Variants in STH observed in about 807,000 individuals in gnomAD.
STH encodes microtubule-associated protein tau (MAPT) intronic transcript.
For synonymous variants in STH, 36 were observed against 59.1 expected, an observed-to-expected ratio of 0.61 and a Z score of 1.79; for missense variants, 131 against 151.5, an observed-to-expected ratio of 0.86 and a Z score of 0.71.
Position 45,999,673 on chromosome 17 carries a change from G to A in STH, c.*7G>A. On this transcript the variant is annotated 3_prime_UTR_variant, in exon 1 of 1. Coordinates refer to ENST00000537309, the MANE Select transcript of STH (RefSeq NM_001007532.3). Reference sequence around the variant, plus strand: ...GACCTCATGCCAAGTGTAGAAAGGGGCAGATGGGAGCCCCAGGTTATGACG... The same window carrying A: ...GACCTCATGCCAAGTGTAGAAAGGGACAGATGGGAGCCCCAGGTTATGACG... 6 of 1,582,700 alleles carry A rather than the reference G, an allele frequency of 3.8e-6. No individual in the cohort carries two copies. Among genetic ancestry groups the A allele is most frequent in the Non-Finnish European group, 5.1e-6 (6 of 1,165,052 alleles).
rs955662288 is a variant in STH at position 45,999,542 on chromosome 17, C to T, written c.263C>T (p.Ala88Val). The T allele has an allele frequency of 3.7e-6, 6 of 1,613,378 alleles. No individual in the cohort carries two copies. The highest frequency in any genetic ancestry group is 5.1e-6 in the Non-Finnish European group (6 of 1,179,682). ...YSSEESSRNG[A>V]EQGRQLSIEG... ...TCTGAAGAGAGCAGCAGGAATGGGG[C>T]TGAGCAGGGAAGACAACTTTCCATT... The change falls in exon 1 of 1, where the codon GCT (alanine) becomes GTT (valine). Residue 88 changes from alanine (A) to valine (V), a missense_variant. Ala to Val is a moderately conservative substitution (Grantham distance 64). Coordinates refer to ENST00000537309, the MANE Select transcript of STH (RefSeq NM_001007532.3).
chr17:45,999,429 A>G lies in STH; in HGVS notation c.150A>G (p.Leu50=), dbSNP rs545673483. The change falls in exon 1 of 1, where the codon TTA becomes TTG. Residue 50 remains leucine, a synonymous_variant. Coordinates refer to ENST00000537309, the MANE Select transcript of STH (RefSeq NM_001007532.3). ...IQVARDRTLS[L]AWEVASLLTL... ...TTGCCAGAGACAGAACCCTCAGCTTAGCATGGGAAGTAGCTTCCCTGTTGA... is the reference window on the plus strand; with the variant it reads ...TTGCCAGAGACAGAACCCTCAGCTTGGCATGGGAAGTAGCTTCCCTGTTGA... The G allele has an allele frequency of 3.7e-5, 59 of 1,614,084 alleles. No homozygotes were observed. In the South Asian group the frequency reaches 6.1e-4, roughly 17 times the overall value.
At chr17:45,999,631 A>AG in the STH span, 5 of 1,610,752 alleles carry the variant, frequency 3.1e-6, no homozygotes, top group South Asian at 5.5e-5. Flanking sequence ...TCTGCCCATG[A>AG]GGGGTGAGAG....
Position 45,999,525 on chromosome 17 carries a change from G to C in STH, c.246G>C (p.Glu82Asp). The C allele has an allele frequency of 6.2e-7, 1 of 1,613,884 alleles. No individual in the cohort carries two copies. The highest frequency in any genetic ancestry group is 1.1e-5 in the South Asian group (1 of 91,062). ...TIWPSSYSSE[E>D]SSRNGAEQGR... ...GGCCCAGTTCTTACAGCTCTGAAGA[G>C]AGCAGCAGGAATGGGGCTGAGCAGG... is the stretch of plus-strand genomic sequence containing the variant. Residue 82 changes from glutamate (E) to aspartate (D), a missense_variant, in exon 1 of 1, where the codon GAG (glutamate) becomes GAC (aspartate). Transcript: ENST00000537309.
In STH at chr17:45,999,413, A is replaced by T. The variant is rs2074798869; in HGVS notation, c.134A>T (p.Asp45Val). The change falls in exon 1 of 1, where the codon GAC becomes GTC. Residue 45 changes from aspartate (D) to valine (V), a missense_variant. Asp to Val is a radical substitution (Grantham distance 152). Transcript: ENST00000537309. ...GAGTGGATGATTCAGGTTGCCAGAG[A>T]CAGAACCCTCAGCTTAGCATGGGAA... The part of the protein sequence containing the change: ...LCEWMIQVAR[D>V]RTLSLAWEVA... 1.2e-6 allele frequency: 2 copies of T among 1,613,910 alleles called. No homozygotes were observed. Among genetic ancestry groups the T allele is most frequent in the Non-Finnish European group, 1.7e-6 (2 of 1,179,902 alleles).
Position 45,999,650 on chromosome 17 carries a change from C to A in STH, c.371C>A (p.Thr124Asn). The change falls in exon 1 of 1, where the codon ACC becomes AAC. Residue 124 changes from threonine to asparagine, a missense_variant. By Grantham distance (65) the Thr-to-Asn change is moderately conservative. Coordinates refer to ENST00000537309, the MANE Select transcript of STH (RefSeq NM_001007532.3). ...PLPMRGESQA[T>N]SCQV Reference sequence around the variant, plus strand: ...CCCATGAGGGGTGAGAGTCAGGCGACCTCATGCCAAGTGTAGAAAGGGGCA... The same window carrying A: ...CCCATGAGGGGTGAGAGTCAGGCGAACTCATGCCAAGTGTAGAAAGGGGCA... The A allele has an allele frequency of 6.2e-7, 1 of 1,605,110 alleles. No individual in the cohort carries two copies. The highest frequency in any genetic ancestry group is 1.1e-5 in the South Asian group (1 of 89,622).
Position 45,999,266 on chromosome 17 carries a change from C to T in STH, c.-14C>T. 6.2e-7 allele frequency: 1 copy of T among 1,610,604 alleles called. No homozygotes were observed. Among genetic ancestry groups the T allele is most frequent in the South Asian group, 1.1e-5 (1 of 90,678 alleles). On this transcript the variant is annotated 5_prime_UTR_variant, in exon 1 of 1. Transcript: ENST00000537309. Reference sequence around the variant, plus strand: ...CCACACTGAGCATGTGTCTGCTGCTCCCTAGTCTGGGCCATGAGTGAGGGT... The same window carrying T: ...CCACACTGAGCATGTGTCTGCTGCTTCCTAGTCTGGGCCATGAGTGAGGGT...
Position 45,999,533 on chromosome 17 carries a change from G to A in STH, c.254G>A (p.Arg85Lys), listed in dbSNP as rs1449251264. Reference sequence around the variant, plus strand: ...TCTTACAGCTCTGAAGAGAGCAGCAGGAATGGGGCTGAGCAGGGAAGACAA... The same window carrying A: ...TCTTACAGCTCTGAAGAGAGCAGCAAGAATGGGGCTGAGCAGGGAAGACAA... Reference protein sequence around the residue: ...PSSYSSEESSRNGAEQGRQLS... With the variant: ...PSSYSSEESSKNGAEQGRQLS... Residue 85 changes from arginine (R) to lysine (K), a missense_variant, in exon 1 of 1, where the codon AGG becomes AAG. Coordinates refer to ENST00000537309, the MANE Select transcript of STH (RefSeq NM_001007532.3). The A allele has an allele frequency of 1.9e-6, 3 of 1,613,686 alleles. No homozygotes were observed. The highest frequency in any genetic ancestry group is 2.5e-6 in the Non-Finnish European group (3 of 1,179,824).
At position 45,999,491 on chromosome 17, in the gene STH, G is replaced by A. The variant is rs769947333; in HGVS notation, c.212G>A (p.Gly71Asp). Reference sequence around the variant, plus strand: ...TCTGAGGTTGGCTTGGAAGGTGTGGGCACCATTTGGCCCAGTTCTTACAGC... The same window carrying A: ...TCTGAGGTTGGCTTGGAAGGTGTGGACACCATTTGGCCCAGTTCTTACAGC... ...SSSEVGLEGVGTIWPSSYSSE... is the reference protein window; with the variant it reads ...SSSEVGLEGVDTIWPSSYSSE... Residue 71 changes from glycine to aspartate, a missense_variant, in exon 1 of 1, where the codon GGC (glycine) becomes GAC (aspartate). By Grantham distance (94) the Gly-to-Asp change is moderately conservative (BLOSUM62 -1). Coordinates refer to ENST00000537309, the MANE Select transcript of STH (RefSeq NM_001007532.3). 5 of 1,613,902 alleles carry A rather than the reference G, an allele frequency of 3.1e-6. No homozygotes were observed. In the South Asian group the frequency reaches 5.5e-5, roughly 18 times the overall value.
rs140271686 is a variant in STH at position 45,999,361 on chromosome 17, G to A, written c.82G>A (p.Gly28Arg). The change falls in exon 1 of 1, where the codon GGG becomes AGG. Residue 28 changes from glycine to arginine, a missense_variant. Physicochemically the swap from Gly to Arg is moderately radical, Grantham distance 125 (BLOSUM62 -2). Coordinates refer to ENST00000537309, the MANE Select transcript of STH (RefSeq NM_001007532.3). ...LCRWPALIEC[G>R]VNLTQPLCEW... ...CAGGTGGCCGGCCCTCATTGAATGCGGGGTTAATTTAACTCAGCCTCTGTG... is the reference window on the plus strand; with the variant it reads ...CAGGTGGCCGGCCCTCATTGAATGCAGGGTTAATTTAACTCAGCCTCTGTG... 2.7e-4 allele frequency: 442 copies of A among 1,614,010 alleles called. 8 individuals are homozygous for A. In the South Asian group the frequency reaches 2.9e-3, roughly 11 times the overall value.
chr17:45,999,256 G>T lies in STH; in HGVS notation c.-24G>T. ...TAAACTCTGACCACACTGAGCATGT[G>T]TCTGCTGCTCCCTAGTCTGGGCCAT... On this transcript the variant is annotated 5_prime_UTR_variant, in exon 1 of 1. Transcript: ENST00000537309. The T allele has an allele frequency of 6.2e-7, 1 of 1,606,710 alleles. No homozygotes were observed. Among genetic ancestry groups the T allele is most frequent in the Non-Finnish European group, 8.5e-7 (1 of 1,175,984 alleles).
Position 45,999,541 on chromosome 17 carries a change from G to T in STH, c.262G>T (p.Ala88Ser), listed in dbSNP as rs753456930. 6.2e-7 allele frequency: 1 copy of T among 1,613,504 alleles called. No individual in the cohort carries two copies. The highest frequency in any genetic ancestry group is 8.5e-7 in the Non-Finnish European group (1 of 1,179,658). Residue 88 changes from alanine (A) to serine (S), a missense_variant, in exon 1 of 1, where the codon GCT becomes TCT. Physicochemically the swap from Ala to Ser is moderately conservative, Grantham distance 99. Transcript: ENST00000537309. ...CTCTGAAGAGAGCAGCAGGAATGGG[G>T]CTGAGCAGGGAAGACAACTTTCCAT... The part of the protein sequence containing the change: ...YSSEESSRNG[A>S]EQGRQLSIEG...
Position 45,999,520 on chromosome 17 carries a change from G to A in STH, c.241G>A (p.Glu81Lys). Residue 81 changes from glutamate to lysine, a missense_variant, in exon 1 of 1, where the codon GAA becomes AAA. By Grantham distance (56) the Glu-to-Lys change is moderately conservative (BLOSUM62 1). Transcript: ENST00000537309. ...CATTTGGCCCAGTTCTTACAGCTCT[G>A]AAGAGAGCAGCAGGAATGGGGCTGA... ...GTIWPSSYSS[E>K]ESSRNGAEQG... The A allele has an allele frequency of 6.2e-7, 1 of 1,613,914 alleles. No individual in the cohort carries two copies. Among genetic ancestry groups the A allele is most frequent in the Admixed American group, 1.7e-5 (1 of 60,006 alleles).
In STH at chr17:45,999,538, G is replaced by A. The variant is rs765806609; in HGVS notation, c.259G>A (p.Gly87Arg). 6 of 1,613,548 alleles carry A rather than the reference G, an allele frequency of 3.7e-6. No homozygotes were observed. The highest frequency in any genetic ancestry group is 5.1e-6 in the Non-Finnish European group (6 of 1,179,752). ...CAGCTCTGAAGAGAGCAGCAGGAAT[G>A]GGGCTGAGCAGGGAAGACAACTTTC... ...SYSSEESSRNGAEQGRQLSIE... is the reference protein window; with the variant it reads ...SYSSEESSRNRAEQGRQLSIE... Residue 87 changes from glycine to arginine, a missense_variant, in exon 1 of 1, where the codon GGG becomes AGG. Coordinates refer to ENST00000537309, the MANE Select transcript of STH (RefSeq NM_001007532.3).
At position 45,999,610 on chromosome 17, in the gene STH, G is replaced by A; in HGVS notation, c.331G>A (p.Ala111Thr). ...CCAGAACTGTCCCTCCCACCCTGCA[G>A]CTGCCCTGCCTCTGCCCATGAGGGG... ...QGQNCPSHPAAALPLPMRGES... is the reference protein window; with the variant it reads ...QGQNCPSHPATALPLPMRGES... The change falls in exon 1 of 1, where the codon GCT becomes ACT. Residue 111 changes from alanine to threonine, a missense_variant. By Grantham distance (58) the Ala-to-Thr change is moderately conservative (BLOSUM62 0). Coordinates refer to ENST00000537309, the MANE Select transcript of STH (RefSeq NM_001007532.3). 6.2e-7 allele frequency: 1 copy of A among 1,612,254 alleles called. No homozygotes were observed. Among genetic ancestry groups the A allele is most frequent in the Non-Finnish European group, 8.5e-7 (1 of 1,179,202 alleles).
In STH at chr17:45,999,527, G is replaced by A. The variant is rs2145875805; in HGVS notation, c.248G>A (p.Ser83Asn). The A allele has an allele frequency of 6.2e-7, 1 of 1,613,906 alleles. No individual in the cohort carries two copies. Among genetic ancestry groups the A allele is most frequent in the South Asian group, 1.1e-5 (1 of 91,058 alleles). The change falls in exon 1 of 1, where the codon AGC (serine) becomes AAC (asparagine). Residue 83 changes from serine to asparagine, a missense_variant. Physicochemically the swap from Ser to Asn is conservative, Grantham distance 46. Coordinates refer to ENST00000537309, the MANE Select transcript of STH (RefSeq NM_001007532.3). Reference protein sequence around the residue: ...IWPSSYSSEESSRNGAEQGRQ... With the variant: ...IWPSSYSSEENSRNGAEQGRQ... ...CCCAGTTCTTACAGCTCTGAAGAGA[G>A]CAGCAGGAATGGGGCTGAGCAGGGA...
rs772994199 is a variant in STH at position 45,999,625 on chromosome 17, C to T, written c.346C>T (p.Pro116Ser). The T allele has an allele frequency of 1.9e-6, 3 of 1,611,512 alleles. No individual in the cohort carries two copies. In the Admixed American group the frequency reaches 5.0e-5, roughly 27 times the overall value. Residue 116 changes from proline to serine, a missense_variant, in exon 1 of 1, where the codon CCC becomes TCC. Physicochemically the swap from Pro to Ser is moderately conservative, Grantham distance 74 (BLOSUM62 -1). Coordinates refer to ENST00000537309, the MANE Select transcript of STH (RefSeq NM_001007532.3). ...PSHPAAALPL[P>S]MRGESQATSC... ...CCACCCTGCAGCTGCCCTGCCTCTG[C>T]CCATGAGGGGTGAGAGTCAGGCGAC...
Position 45,999,603 on chromosome 17 carries a change from C to A in STH, c.324C>A (p.His108Gln), listed in dbSNP as rs377553420. The change falls in exon 1 of 1, where the codon CAC (histidine) becomes CAA (glutamine). Residue 108 changes from histidine to glutamine, a missense_variant. Transcript: ENST00000537309. ...TTCAGGGCCAGAACTGTCCCTCCCA[C>A]CCTGCAGCTGCCCTGCCTCTGCCCA... Reference protein sequence around the residue: ...GPFQGQNCPSHPAAALPLPMR... With the variant: ...GPFQGQNCPSQPAAALPLPMR... The A allele has an allele frequency of 4.3e-6, 7 of 1,612,214 alleles. No homozygotes were observed. In the African/African-American group the frequency reaches 9.3e-5, roughly 22 times the overall value.
In STH at chr17:45,999,687, C is replaced by G. The variant is rs772980161; in HGVS notation, c.*21C>G. The G allele has an allele frequency of 6.4e-7, 1 of 1,557,606 alleles. No individual in the cohort carries two copies. The highest frequency in any genetic ancestry group is 8.7e-7 in the Non-Finnish European group (1 of 1,150,886). On this transcript the variant is annotated 3_prime_UTR_variant, in exon 1 of 1. Coordinates refer to ENST00000537309, the MANE Select transcript of STH (RefSeq NM_001007532.3). ...TGTAGAAAGGGGCAGATGGGAGCCCCAGGTTATGACGTCACCATGCTGGGT... is the reference window on the plus strand; with the variant it reads ...TGTAGAAAGGGGCAGATGGGAGCCCGAGGTTATGACGTCACCATGCTGGGT...
Sources: gnomAD v4.1 joint callset for allele counts on GRCh38, gnomAD v4.1.1 for gene constraint, MANE v1.5 for transcripts, NCBI Gene and HGNC (gene_info 2026-07-23, HGNC 2026-07-21) for gene names.